BRWD1: variants seen among roughly 807,000 people sequenced by gnomAD.
BRWD1 encodes bromodomain and WD repeat-containing protein 1.
Under a neutral mutation model 251.2 loss-of-function variants are expected in BRWD1, and 82 were observed. The observed-to-expected ratio is 0.33, with a 90% CI of 0.27 to 0.39. The LOEUF (loss-of-function observed/expected upper bound fraction) is 0.39, where lower values mean the gene tolerates loss of function less well. BRWD1 is among the 10% of genes least tolerant of loss of function. BRWD1 has a pLI of 1.00. For synonymous variants in BRWD1, 918 were observed against 902.8 expected (o/e 1.02, Z -0.30); for missense variants, 2,233 against 2,711.6 (o/e 0.82, Z 3.92).
Position 39,224,363 on chromosome 21 carries a change from T to C in BRWD1, c.3382+45A>G, listed in dbSNP as rs749456340. Reference sequence around the variant, plus strand: ...TTCCATGTGCACTGGCAAATGTACATATTATAAAAATAAAATGTTTTCATT... The same window carrying C: ...TTCCATGTGCACTGGCAAATGTACACATTATAAAAATAAAATGTTTTCATT... On this transcript the variant is annotated intron_variant, in intron 29 of 40. Coordinates refer to ENST00000342449, the MANE Select transcript of BRWD1 (RefSeq NM_033656.4). 3 of 1,197,808 alleles carry C rather than the reference T, an allele frequency of 2.5e-6. No homozygotes were observed. In the Admixed American group the frequency reaches 6.2e-5, roughly 25 times the overall value. The allele number at this position is 1,197,808 out of a possible 1,614,324, so 74.2% of individuals were successfully genotyped here. A position where few individuals can be genotyped will look rare whatever the true frequency, so the allele number is the denominator to read the frequency against.
At chr21:39,215,997 CAAAAACAAACAA>C (rs931221324) in intron 31 of BRWD1, among the ~76,000 whole-genome samples, 61 of 152,128 alleles carry the variant, frequency 4.0e-4, no homozygotes, top group African/African-American at 1.2e-3. Flanking sequence ...AAGACTCTCT[CAAAAACAAACAA>C]AAAAACAAAC....
chr21:39,236,438 A>G (rs2033813698), intron 23 of BRWD1, among the ~76,000 whole-genome samples, 157 bp downstream of exon 23: 1 of 152,108 alleles, frequency 6.6e-6, no homozygotes, highest in African/African-American at 2.4e-5. Context: ...TTCCCCAAGG[A>G]GGGCTGACAG....
Position 39,187,979 on chromosome 21 carries a change from G to A in BRWD1, c.*8280C>T. 1 of 985,280 alleles carries A rather than the reference G, an allele frequency of 1.0e-6. No homozygotes were observed. Among genetic ancestry groups the A allele is most frequent in the Non-Finnish European group, 1.2e-6 (1 of 829,886 alleles). 61.0% of individuals were successfully genotyped at this position (985,280 alleles called of 1,614,324 possible). A position where few individuals can be genotyped will look rare whatever the true frequency, so the allele number is the denominator to read the frequency against. On this transcript the variant is annotated 3_prime_UTR_variant, in exon 41 of 41. Coordinates refer to ENST00000342449, the MANE Select transcript of BRWD1 (RefSeq NM_033656.4). The stretch of plus-strand genomic sequence containing the variant: ...TGCCAGACAAAAAGCACTTTGGAGA[G>A]TTAACTACTTCATGCAGACTAAGGC...
At chr21:39,237,708 T>G (rs1381045004) in intron 22 of BRWD1, among the ~76,000 whole-genome samples, 1 of 152,188 alleles carries the variant, frequency 6.6e-6, no homozygotes, top group African/African-American at 2.4e-5. Flanking sequence ...AATTTCCGTT[T>G]TGCAAGATAA....
intron 5 of BRWD1, chr21:39,297,690 T>C: frequency 3.6e-6 from 1 of 279,316 alleles, no homozygotes; most frequent in Non-Finnish European, 5.4e-6. Context: ...TCTTTCTCAG[T>C]TAAGCTTTAT....
Position 39,188,938 on chromosome 21 carries a change from T to C in BRWD1, c.*7321A>G, listed in dbSNP as rs1406397691. 2 of 985,284 alleles carry C rather than the reference T, an allele frequency of 2.0e-6. No individual in the cohort carries two copies. The highest frequency in any genetic ancestry group is 1.1e-4 in the East Asian group (1 of 8,824). 61.0% of individuals were successfully genotyped at this position (985,284 alleles called of 1,614,324 possible). A position where few individuals can be genotyped will look rare whatever the true frequency, so the allele number is the denominator to read the frequency against. The stretch of plus-strand genomic sequence containing the variant: ...GACACTCATCACGGCATTACTCTCA[T>C]GCAGCATGCCCTTACCTCCTTCAGC... On this transcript the variant is annotated 3_prime_UTR_variant, in exon 41 of 41. Coordinates refer to ENST00000342449, the MANE Select transcript of BRWD1 (RefSeq NM_033656.4).
At chr21:39,231,273 A>G (rs1307787816) in intron 25 of BRWD1, among the ~76,000 whole-genome samples, 2 of 152,158 alleles carry the variant, frequency 1.3e-5, no homozygotes, top group African/African-American at 4.8e-5. Context: ...ATTGGCTGCA[A>G]ATGTTTTCAA....
chr21:39,211,212 G>C (rs1364495843), intron 34 of BRWD1, among the ~76,000 whole-genome samples: 1 of 152,010 alleles, frequency 6.6e-6, no homozygotes, highest in Non-Finnish European at 1.5e-5. Context: ...TCACCTCCCA[G>C]GTTTATAATA....
chr21:39,247,608 T>TTCA, intron 21 of BRWD1, 93 bp downstream of exon 21: 1 of 1,296,436 alleles, frequency 7.7e-7, no homozygotes, highest in East Asian at 2.5e-5. Context: ...ATGCTGTGTT[T>TTCA]TCATATAAAT....
intron 8 of BRWD1, among the ~76,000 whole-genome samples, chr21:39,291,282 TA>T (rs1040040690): frequency 3.3e-5 from 5 of 152,128 alleles, no homozygotes; most frequent in African/African-American, 7.2e-5. Context: ...TGAATGTGCA[TA>T]AAAAAATTGA....
At position 39,196,446 on chromosome 21, in the gene BRWD1, C is replaced by G; in HGVS notation, c.6623G>C (p.Ser2208Thr). The G allele has an allele frequency of 6.2e-7, 1 of 1,613,506 alleles. No individual in the cohort carries two copies. The highest frequency in any genetic ancestry group is 8.5e-7 in the Non-Finnish European group (1 of 1,179,700). ...ISKTVRRQRQ[S>T]KRPRLSVDDN... Reference sequence around the variant, plus strand: ...ATCCACACTTAACCTAGGGCGTTTGCTTTGTCTTTGACGTCTCACAGTTTT... The same window carrying G: ...ATCCACACTTAACCTAGGGCGTTTGGTTTGTCTTTGACGTCTCACAGTTTT... The change falls in exon 41 of 41, where the codon AGC becomes ACC. Residue 2208 changes from serine (S) to threonine (T), a missense_variant. This residue lies in a region of BRWD1 where 928 missense variants were observed against 970.0 expected (regional missense o/e 0.96). Coordinates refer to ENST00000342449, the MANE Select transcript of BRWD1 (RefSeq NM_033656.4).
chr21:39,257,781 A>G (rs896091176), intron 18 of BRWD1, among the ~76,000 whole-genome samples: 2 of 151,902 alleles, frequency 1.3e-5, no homozygotes, highest in African/African-American at 2.4e-5. Context: ...AATGCTTCTG[A>G]AAAAAAACAC....
intron 18 of BRWD1, among the ~76,000 whole-genome samples, chr21:39,257,199 A>AT (rs1378363605): frequency 4.1e-4 from 48 of 117,954 alleles, no homozygotes; most frequent in African/African-American, 1.6e-3. Flanking sequence ...GTATGAAGCT[A>AT]TTTAAAAAAA....
At chr21:39,275,381 C>T (rs1332791715) in intron 12 of BRWD1, among the ~76,000 whole-genome samples, 2 of 151,948 alleles carry the variant, frequency 1.3e-5, no homozygotes, top group African/African-American at 2.4e-5. Flanking sequence ...ATAATTTTTT[C>T]AGTAAATCAG....
At chr21:39,245,326 T>A (rs986456770) in intron 21 of BRWD1, among the ~76,000 whole-genome samples, 4 of 152,186 alleles carry the variant, frequency 2.6e-5, no homozygotes, top group Non-Finnish European at 4.4e-5. Flanking sequence ...TTTAAACACA[T>A]TGCATTACTG....
upstream of BRWD1, chr21:39,314,017 G>A (rs1173488819): frequency 2.2e-6 from 1 of 454,314 alleles, no homozygotes; most frequent in African/African-American, 2.0e-5. Context: ...TCCTCTACGC[G>A]GGACCGCAGG....
chr21:39,225,003 T>A (rs2033324787), intron 28 of BRWD1, 83 bp downstream of exon 28: 6 of 1,085,724 alleles, frequency 5.5e-6, no homozygotes, highest in Admixed American at 3.9e-5. Flanking sequence ...CATGTTTTTT[T>A]AAAAACCAGA....
At chr21:39,236,883 G>C in intron 22 of BRWD1, 99 bp from the exon 23 acceptor site, 1 of 1,076,104 alleles carries the variant, frequency 9.3e-7, no homozygotes, top group South Asian at 1.6e-5. Flanking sequence ...AGGAGAAAAA[G>C]GGAAGGGAAG....
At chr21:39,233,340 T>A (rs1034151774) in intron 23 of BRWD1, among the ~76,000 whole-genome samples, 5 of 152,172 alleles carry the variant, frequency 3.3e-5, no homozygotes, top group African/African-American at 1.2e-4. Flanking sequence ...ATATGCAACG[T>A]TTGCCATGTA....
Sources: gnomAD v4.1 joint callset for allele counts (sites outside exome capture counted in the v4.1 genomes callset) on GRCh38, gnomAD v4.1.1 for gene constraint, gnomAD v4.1.1 regional missense constraint, MANE v1.5 for transcripts, NCBI Gene and HGNC (gene_info 2026-07-23, HGNC 2026-07-21) for gene names.